Variants in FGF13 observed in about 807,000 individuals in gnomAD.
The protein encoded by FGF13 is fibroblast growth factor homologous factor 2.
Under a neutral mutation model 19.5 loss-of-function variants are expected in FGF13, and 2 were observed. That is an observed-to-expected ratio of 0.10 (90% CI 0.04 to 0.32). The LOEUF (loss-of-function observed/expected upper bound fraction) is 0.32, where lower values mean the gene tolerates loss of function less well. Among genes scored for constraint, FGF13 ranks in the 10% least tolerant of loss-of-function variants. The probability of loss-of-function intolerance (pLI) is 1.00; values close to 1 mark genes in which losing one functional copy is unlikely to be tolerated. For missense variants in FGF13, 113 were observed against 192.7 expected (o/e 0.59, Z 2.45); for synonymous variants, 72 against 76.9 (o/e 0.94, Z 0.33).
In FGF13 at chrX:138,913,182, C is replaced by CTTTTTTTT. The variant is rs35078012; in HGVS notation, c.-112-48540_-112-48533dup. Among the ~76,000 whole-genome samples, 16 of 37,094 alleles carry CTTTTTTTT rather than the reference C, an allele frequency of 4.3e-4. 4 individuals carry two copies. Among genetic ancestry groups the CTTTTTTTT allele is most frequent in the South Asian group, 3.4e-3 (1 of 295 alleles). 32.2% of individuals were successfully genotyped at this position (37,094 alleles called of 115,157 possible). A position where few individuals can be genotyped will look rare whatever the true frequency, so the allele number is the denominator to read the frequency against. ...TGCACCTGGAAAGAAAAAGCATCTACTTTTTTTTTTTTTTTTTTTTTTTTT... is the reference window on the plus strand; with the variant it reads ...TGCACCTGGAAAGAAAAAGCATCTACTTTTTTTTTTTTTTTTTTTTTTTTTTTTTTTTT... On this transcript the variant is annotated intron_variant, in intron 1 of 2. Coordinates refer to the FGF13 transcript ENST00000421460.
At chrX:138,684,690 C>T (rs1320168323) in intron 3 of FGF13, among the ~76,000 whole-genome samples, 1 of 111,624 alleles carries the variant, frequency 9.0e-6, no homozygotes, top group African/African-American at 3.2e-5. Flanking sequence ...CAAAATGAGG[C>T]ACAGTGATGC....
intron 3 of FGF13, among the ~76,000 whole-genome samples, chrX:138,817,486 A>C (rs1291523125): frequency 3.6e-5 from 4 of 112,221 alleles, no homozygotes; most frequent in Non-Finnish European, 5.6e-5. Context: ...CTCCTGCATA[A>C]ATTGGCAGGC....
chrX:139,156,865 T>C (rs377365957), intron 1 of FGF13, among the ~76,000 whole-genome samples: 65 of 111,908 alleles, frequency 5.8e-4, no homozygotes, highest in South Asian at 1.1e-3. Flanking sequence ...CCTTACGTCA[T>C]TGCTTTATGT....
chrX:138,709,961 T>C (rs1160487795), intron 1 of FGF13, among the ~76,000 whole-genome samples: 1 of 111,484 alleles, frequency 9.0e-6, no homozygotes, highest in Non-Finnish European at 1.9e-5. Context: ...TTTTTTGTAA[T>C]ATTTATCTAG....
At chrX:138,856,313 C>T (rs1458257644), downstream of FGF13, among the ~76,000 whole-genome samples, 4 of 111,088 alleles carry the variant, frequency 3.6e-5, no homozygotes, top group African/African-American at 1.3e-4. Context: ...CATTTTCTGC[C>T]AATGATTGTC....
intron 3 of FGF13, among the ~76,000 whole-genome samples, chrX:138,666,623 C>A (rs1248178011): frequency 2.7e-5 from 3 of 111,217 alleles, no homozygotes. Flanking sequence ...TCTATAAGGA[C>A]AGAATAATAA....
chrX:139,065,145 C>A (rs1440714952), intron 1 of FGF13, among the ~76,000 whole-genome samples: 2 of 110,738 alleles, frequency 1.8e-5, no homozygotes, highest in Non-Finnish European at 3.8e-5. Flanking sequence ...ACAAGAGCTC[C>A]TGAAGGAAGC....
At chrX:138,808,648 CAGGAG>C (rs2090893019) in intron 3 of FGF13, among the ~76,000 whole-genome samples, 1 of 109,922 alleles carries the variant, frequency 9.1e-6, no homozygotes, top group Non-Finnish European at 1.9e-5. Flanking sequence ...TCAATGAATC[CAGGAG>C]CTGGGTTTTG....
chrX:138,864,314 G>A (rs1333876718), intron 2 of FGF13, among the ~76,000 whole-genome samples: 2 of 112,676 alleles, frequency 1.8e-5, no homozygotes, highest in East Asian at 5.6e-4. Context: ...GAAGAGAGGG[G>A]AATGCACTGG....
At chrX:139,170,419 C>T (rs753351486) in intron 1 of FGF13, among the ~76,000 whole-genome samples, 3 of 111,683 alleles carry the variant, frequency 2.7e-5, no homozygotes, top group Non-Finnish European at 5.6e-5. Context: ...TGGTCTTTGC[C>T]CTCTTCCTAG....
intron 3 of FGF13, among the ~76,000 whole-genome samples, chrX:138,749,322 TACACACACACACACACACACACACACAC>T (rs34038080): frequency 2.4e-5 from 2 of 81,698 alleles, no homozygotes; most frequent in Admixed American, 2.8e-4. Flanking sequence ...GAGACCAAAA[TACACACACACACACACACACACACACAC>T]ACACACACAC....
At chrX:139,071,876 C>T (rs925058636) in intron 1 of FGF13, among the ~76,000 whole-genome samples, 2 of 107,657 alleles carry the variant, frequency 1.9e-5, no homozygotes, top group African/African-American at 6.8e-5. Context: ...ATTAGCTGGG[C>T]GCAGTGACAG....
At chrX:138,984,852 G>C (rs75619139) in intron 1 of FGF13, among the ~76,000 whole-genome samples, 1 of 83,050 alleles carries the variant, frequency 1.2e-5, no homozygotes, top group Non-Finnish European at 2.6e-5. Context: ...TTTAATTTTT[G>C]TATTTTTTAA....
At chrX:139,168,419 T>G (rs1004099013) in intron 1 of FGF13, among the ~76,000 whole-genome samples, 2 of 111,756 alleles carry the variant, frequency 1.8e-5, no homozygotes. Context: ...AAATAACAAT[T>G]TTTATTACTT....
chrX:138,901,607 A>G (rs1402886510), intron 1 of FGF13, among the ~76,000 whole-genome samples: 2 of 111,615 alleles, frequency 1.8e-5, no homozygotes, highest in Non-Finnish European at 3.8e-5. Context: ...TCTCTCTTCC[A>G]TGATTTATCC....
chrX:138,922,345 G>C (rs1431548425), intron 1 of FGF13, among the ~76,000 whole-genome samples: 1 of 111,704 alleles, frequency 9.0e-6, no homozygotes, highest in South Asian at 3.8e-4. Flanking sequence ...ATGGCCCCAA[G>C]GGTGCCAATC....
chrX:138,821,307 G>A (rs754078449), intron 3 of FGF13, among the ~76,000 whole-genome samples: 2 of 111,940 alleles, frequency 1.8e-5, no homozygotes, highest in East Asian at 2.8e-4. Context: ...TAATGTGACC[G>A]AGCAACTGAA....
chrX:138,854,249 T>A (rs1377171971), downstream of FGF13, among the ~76,000 whole-genome samples: 1 of 111,773 alleles, frequency 8.9e-6, no homozygotes, highest in Non-Finnish European at 1.9e-5. Flanking sequence ...ATAGAAATAA[T>A]CATGTCACTG....
At chrX:138,911,471 G>T (rs1405158524) in intron 1 of FGF13, among the ~76,000 whole-genome samples, 1 of 109,933 alleles carries the variant, frequency 9.1e-6, no homozygotes, top group Admixed American at 9.7e-5. Context: ...AGAGAGTGGT[G>T]GGGGGAGGCA....
Sources: allele counts gnomAD v4.1 joint callset (sites outside exome capture counted in the v4.1 genomes callset), GRCh38; gene constraint gnomAD v4.1.1; transcripts MANE v1.5; gene names NCBI Gene and HGNC (gene_info 2026-07-23, HGNC 2026-07-21).